ZFP82: variants seen among roughly 807,000 people sequenced by gnomAD.
The protein encoded by ZFP82 is ZFP82 zinc finger protein.
In ZFP82, 30 loss-of-function variants were observed where a neutral mutation model predicts 54.0. The ratio of observed to expected loss-of-function variants is 0.56; its 90% CI spans 0.42 to 0.75. The LOEUF (loss-of-function observed/expected upper bound fraction) is 0.75, where lower values mean the gene tolerates loss of function less well. Ranked by LOEUF, ZFP82 falls within the 30% of genes least tolerant of loss-of-function variation. The pLI is 0.00. For synonymous variants in ZFP82, 194 were observed against 209.5 expected (o/e 0.93, Z 0.64); for missense variants, 500 against 636.8 (o/e 0.79, Z 2.31).
In ZFP82 at chr19:36,392,244, T is replaced by G. The variant is rs1432022764; in HGVS notation, c.*497A>C. 6.5e-6 allele frequency: 1 copy of G among 153,618 alleles called. No homozygotes were observed. The highest frequency in any genetic ancestry group is 1.5e-5 in the Non-Finnish European group (1 of 68,864). The allele number at this position is 153,618 out of a possible 1,614,324, so 9.5% of individuals were successfully genotyped here. ...TCTCTTCAGCAAAGTAGCCAGACTT[T>G]GTAACAAGACAGTTCTGTCATTTCA... is the stretch of plus-strand genomic sequence containing the variant. On this transcript the variant is annotated 3_prime_UTR_variant, in exon 5 of 5. Transcript: ENST00000392161.
chr19:36,408,309 A>G (rs557203825), intron 2 of ZFP82, among the ~76,000 whole-genome samples: 1 of 152,214 alleles, frequency 6.6e-6, no homozygotes, highest in Admixed American at 6.5e-5. Context: ...GAAATACTGT[A>G]TATAAGCCTT....
chr19:36,414,069 T>A (rs1373489618), intron 1 of ZFP82, among the ~76,000 whole-genome samples: 1 of 151,406 alleles, frequency 6.6e-6, no homozygotes, highest in Non-Finnish European at 1.5e-5. Context: ...CCCGGCTAAT[T>A]TTTTGTATTT....
rs912917368 is a variant in ZFP82, at chr19:36,418,479, T to A, written c.-79+13A>T. On this transcript the variant is annotated intron_variant, in intron 1 of 4. Transcript: ENST00000392161. Reference sequence around the variant, plus strand: ...CTCCCGCCCCTCTGCGATACTGCAGTGGCCCCGCTTACCTCTCTTTACCCC... The same window carrying A: ...CTCCCGCCCCTCTGCGATACTGCAGAGGCCCCGCTTACCTCTCTTTACCCC... 6.6e-5 allele frequency: 10 copies of A among 152,322 alleles called. No individual in the cohort carries two copies. Among genetic ancestry groups the A allele is most frequent in the Non-Finnish European group, 1.0e-4 (7 of 68,204 alleles). 9.4% of individuals were successfully genotyped at this position (152,322 alleles called of 1,614,324 possible). A position where few individuals can be genotyped will look rare whatever the true frequency, so the allele number is the denominator to read the frequency against.
At chr19:36,406,431 T>C (rs138101871) in intron 3 of ZFP82, among the ~76,000 whole-genome samples, 25 of 152,324 alleles carry the variant, frequency 1.6e-4, no homozygotes, top group Non-Finnish European at 3.1e-4. Flanking sequence ...CAGACAACCA[T>C]TGATCTTCTT....
At chr19:36,387,957 A>G (rs1006670413), downstream of ZFP82, among the ~76,000 whole-genome samples, 3 of 152,192 alleles carry the variant, frequency 2.0e-5, no homozygotes, top group Admixed American at 6.5e-5. Context: ...GAAAAAAGGT[A>G]ATAATTTTTG....
At chr19:36,400,459 A>G (rs1372751322) in intron 4 of ZFP82, among the ~76,000 whole-genome samples, 1 of 152,182 alleles carries the variant, frequency 6.6e-6, no homozygotes, top group Admixed American at 6.5e-5. Context: ...ATCAATTTTA[A>G]TCATATCCTG....
At chr19:36,413,588 A>G (rs1316170046) in intron 1 of ZFP82, among the ~76,000 whole-genome samples, 1 of 152,182 alleles carries the variant, frequency 6.6e-6, no homozygotes, top group Admixed American at 6.5e-5. Flanking sequence ...TGGGAGTCAG[A>G]CTAAAAGAAT....
rs1297928260 is a variant in ZFP82, at chr19:36,389,799, G to C, written c.*2942C>G. On this transcript the variant is annotated 3_prime_UTR_variant, in exon 5 of 5. Coordinates refer to ENST00000392161, the MANE Select transcript of ZFP82 (RefSeq NM_133466.4). ...GGATAGGCTGCCCCTCCCAGGGCAA[G>C]CTAATGCATAGATGATAAACTCCAC... Among the ~76,000 whole-genome samples the C allele has an allele frequency of 6.6e-6, 1 of 152,122 alleles. No individual in the cohort carries two copies. The highest frequency in any genetic ancestry group is 1.5e-5 in the Non-Finnish European group (1 of 68,024).
At chr19:36,384,199 A>G (rs763266652), downstream of ZFP82, 9 of 152,196 alleles carry the variant, frequency 5.9e-5, no homozygotes, top group Admixed American at 2.6e-4. Context: ...TATTTTTCAC[A>G]GTGAGAAAAT....
At chr19:36,414,770 C>T (rs972183136) in intron 1 of ZFP82, among the ~76,000 whole-genome samples, 8 of 151,854 alleles carry the variant, frequency 5.3e-5, no homozygotes, top group African/African-American at 1.9e-4. Context: ...GGACACCATT[C>T]CATATCATAA....
chr19:36,387,310 C>G (rs567395803), downstream of ZFP82, among the ~76,000 whole-genome samples: 3 of 152,250 alleles, frequency 2.0e-5, no homozygotes, highest in Middle Eastern at 3.4e-3. Flanking sequence ...TGCTCACCCC[C>G]AAGTTTTAGG....
intron 1 of ZFP82, among the ~76,000 whole-genome samples, chr19:36,411,654 A>C (rs2032582191): frequency 6.6e-6 from 1 of 152,198 alleles, no homozygotes; most frequent in African/African-American, 2.4e-5. Flanking sequence ...CTTCAATAGA[A>C]AACAGATTAA....
downstream of ZFP82, among the ~76,000 whole-genome samples, chr19:36,388,071 C>G (rs1407373576): frequency 6.6e-6 from 1 of 152,138 alleles, no homozygotes; most frequent in Non-Finnish European, 1.5e-5. Flanking sequence ...GTGACTGAAT[C>G]ATGTCATTTT....
intron 1 of ZFP82, among the ~76,000 whole-genome samples, chr19:36,414,728 CCT>C (rs769229466): frequency 6.6e-6 from 1 of 152,006 alleles, no homozygotes; most frequent in African/African-American, 2.4e-5. Context: ...GAGCAAGGCC[CCT>C]GTTACTTTCC....
chr19:36,398,840 G>A (rs914389418), intron 4 of ZFP82, among the ~76,000 whole-genome samples: 6 of 152,018 alleles, frequency 3.9e-5, no homozygotes, highest in African/African-American at 1.4e-4. Context: ...CAGTGAAACT[G>A]TAATGATACT....
intron 4 of ZFP82, among the ~76,000 whole-genome samples, chr19:36,404,821 T>C (rs1010148711): frequency 1.3e-5 from 2 of 152,214 alleles, no homozygotes; most frequent in African/African-American, 4.8e-5. Context: ...CAGGCTGCAA[T>C]CCTTTATGAA....
intron 1 of ZFP82, among the ~76,000 whole-genome samples, chr19:36,410,878 A>G (rs1842696436): frequency 1.3e-5 from 2 of 152,160 alleles, no homozygotes; most frequent in Non-Finnish European, 2.9e-5. Flanking sequence ...GCAATGGATC[A>G]GAAATTCACA....
At chr19:36,383,626 T>C (rs1298034965) in exon 2 of ZFP82, 1 of 152,032 alleles carries the variant, frequency 6.6e-6, no homozygotes, top group Non-Finnish European at 1.5e-5. Flanking sequence ...AACAAAATTA[T>C]ATCTATTTGC....
At chr19:36,388,090 T>C (rs2032135521), downstream of ZFP82, among the ~76,000 whole-genome samples, 2 of 152,202 alleles carry the variant, frequency 1.3e-5, no homozygotes, top group South Asian at 2.1e-4. Flanking sequence ...TTTTGTAACA[T>C]TGTTGCATTG....
Sources: gnomAD v4.1 joint callset for allele counts (sites outside exome capture counted in the v4.1 genomes callset) on GRCh38, gnomAD v4.1.1 for gene constraint, MANE v1.5 for transcripts, NCBI Gene and HGNC (gene_info 2026-07-23, HGNC 2026-07-21) for gene names.